FBXL2: variants seen among roughly 807,000 people sequenced by gnomAD.
FBXL2 encodes F-box/LRR-repeat protein 2.
In FBXL2, 38 loss-of-function variants were observed where a neutral mutation model predicts 69.2. The ratio of observed to expected loss-of-function variants is 0.55; its 90% CI spans 0.42 to 0.72. FBXL2 has a LOEUF of 0.72. FBXL2 is among the 30% of genes least tolerant of loss of function. FBXL2 has a pLI of 0.00. For missense variants in FBXL2, 354 were observed against 520.3 expected (o/e 0.68, Z 3.11); for synonymous variants, 192 against 201.3 (o/e 0.95, Z 0.39).
chr3:33,377,367 C>T, intron 11 of FBXL2, 34 bp downstream of exon 11: 1 of 1,598,406 alleles, frequency 6.3e-7, no homozygotes, highest in South Asian at 1.1e-5. Context: ...CAACCAAACT[C>T]TAATTCACCT....
downstream of FBXL2, chr3:33,391,113 T>C (rs1483694159): frequency 1.3e-5 from 2 of 152,242 alleles, no homozygotes; most frequent in African/African-American, 4.8e-5. Flanking sequence ...GCTAAAGATG[T>C]TTCTGAAAGA....
At position 33,286,890 on chromosome 3, in the gene FBXL2, C is replaced by T. The variant is rs533076389; in HGVS notation, c.3+9375C>T. The stretch of plus-strand genomic sequence containing the variant: ...CCGTTTGCTAAGACCATTGGAAAAG[C>T]GCAGTATTAGAGTGGGAGTGTCCCG... On this transcript the variant is annotated intron_variant, in intron 1 of 14. Coordinates refer to ENST00000484457, the MANE Select transcript of FBXL2 (RefSeq NM_012157.5). 1.2e-4 allele frequency among the ~76,000 whole-genome samples: 18 copies of T among 152,302 alleles called. No individual in the cohort carries two copies. In the South Asian group the frequency reaches 2.7e-3, roughly 23 times the overall value.
downstream of FBXL2, chr3:33,390,194 T>A: frequency 1.2e-6 from 1 of 844,954 alleles, no homozygotes; most frequent in Non-Finnish European, 1.9e-6. Flanking sequence ...TACAGCTCAT[T>A]AGAAAGGTCA....
chr3:33,353,552 A>C lies in FBXL2; in HGVS notation c.66-5415A>C, dbSNP rs1057435768. Among the ~76,000 whole-genome samples, 4 of 152,222 alleles carry C rather than the reference A, an allele frequency of 2.6e-5. 1 individual carries two copies. Among genetic ancestry groups the C allele is most frequent in the Admixed American group, 2.0e-4 (3 of 15,276 alleles). On this transcript the variant is annotated intron_variant, in intron 2 of 14. Transcript: ENST00000484457. Reference sequence around the variant, plus strand: ...GAACGGTTACGTAGTGTTTGATTCCAATCATATGGCATCTGGAAAACACAA... The same window carrying C: ...GAACGGTTACGTAGTGTTTGATTCCCATCATATGGCATCTGGAAAACACAA...
Position 33,359,164 on chromosome 3 carries a change from C to G in FBXL2, c.121-119C>G, listed in dbSNP as rs576124896. 14 of 970,134 alleles carry G rather than the reference C, an allele frequency of 1.4e-5. No homozygotes were observed. In the African/African-American group the frequency reaches 1.6e-4, roughly 11 times the overall value. The allele number at this position is 970,134 out of a possible 1,614,324, so 60.1% of individuals were successfully genotyped here. A position where few individuals can be genotyped will look rare whatever the true frequency, so the allele number is the denominator to read the frequency against. ...GTATAATTTTGCATTTGATGATTAACTTAATATACATCAAAAATAGGAGTT... is the reference window on the plus strand; with the variant it reads ...GTATAATTTTGCATTTGATGATTAAGTTAATATACATCAAAAATAGGAGTT... On this transcript the variant is annotated intron_variant, in intron 3 of 14. Coordinates refer to ENST00000484457, the MANE Select transcript of FBXL2 (RefSeq NM_012157.5).
At chr3:33,414,613 T>C in the FBXL2 span, among the ~76,000 whole-genome samples, 1,687 of 152,234 alleles carry the variant, frequency 0.011, 24 homozygotes, top group African/African-American at 0.038. Flanking sequence ...CTCTAGAAAT[T>C]TGAAGCATAT....
chr3:33,356,280 C>G (rs1365718916), intron 2 of FBXL2, among the ~76,000 whole-genome samples: 1 of 152,134 alleles, frequency 6.6e-6, no homozygotes, highest in Non-Finnish European at 1.5e-5. Context: ...TTATTTGGGG[C>G]AAGTTTGAGA....
downstream of FBXL2, among the ~76,000 whole-genome samples, chr3:33,407,350 C>A (rs2044453805): frequency 6.6e-6 from 1 of 152,116 alleles, no homozygotes; most frequent in African/African-American, 2.4e-5. Context: ...TTACCAGAAC[C>A]TACTTCTTTA....
At chr3:33,410,266 T>A in the FBXL2 span, among the ~76,000 whole-genome samples, 3 of 152,176 alleles carry the variant, frequency 2.0e-5, no homozygotes, top group South Asian at 6.2e-4. Flanking sequence ...CACACAGAGT[T>A]AACAGCAAGA....
chr3:33,396,252 C>T, intron 12 of FBXL2: 1 of 1,586,570 alleles, frequency 6.3e-7, no homozygotes, highest in Non-Finnish European at 8.6e-7. Context: ...TCCCGGCAGA[C>T]ATAGATGGTT....
chr3:33,353,474 AAT>A (rs1297352403), intron 2 of FBXL2, among the ~76,000 whole-genome samples: 1 of 152,254 alleles, frequency 6.6e-6, no homozygotes, highest in African/African-American at 2.4e-5. Flanking sequence ...TCATGCCATG[AAT>A]AGACTTGGAG....
At chr3:33,290,035 G>T (rs972644788) in intron 1 of FBXL2, among the ~76,000 whole-genome samples, 1 of 152,098 alleles carries the variant, frequency 6.6e-6, no homozygotes, top group Non-Finnish European at 1.5e-5. Context: ...GAAAGCAGAA[G>T]GTGCTACTGG....
At chr3:33,369,048 T>C (rs2042126995) in intron 5 of FBXL2, among the ~76,000 whole-genome samples, 1 of 145,264 alleles carries the variant, frequency 6.9e-6, no homozygotes, top group Non-Finnish European at 1.5e-5. Context: ...TTTTCTTTCT[T>C]CTTTTAGATT....
At chr3:33,297,746 G>T (rs777792413) in intron 2 of FBXL2, 21 bp downstream of exon 2, 1 of 1,399,290 alleles carries the variant, frequency 7.1e-7, no homozygotes, top group Non-Finnish European at 1.0e-6. Context: ...ATAAATTCTG[G>T]ATGAAGAGTT....
At chr3:33,316,275 C>T (rs1002608543) in intron 2 of FBXL2, among the ~76,000 whole-genome samples, 1 of 151,986 alleles carries the variant, frequency 6.6e-6, no homozygotes, top group South Asian at 2.1e-4. Flanking sequence ...CCAGGCTGGT[C>T]TCAAACTCTT....
chr3:33,328,502 A>G (rs1248423006), intron 2 of FBXL2, among the ~76,000 whole-genome samples: 1 of 152,212 alleles, frequency 6.6e-6, no homozygotes, highest in Admixed American at 6.5e-5. Flanking sequence ...AAACAAACAC[A>G]TAGAGCGGTG....
chr3:33,301,402 A>T (rs1018256232), intron 2 of FBXL2, among the ~76,000 whole-genome samples: 1 of 152,154 alleles, frequency 6.6e-6, no homozygotes, highest in African/African-American at 2.4e-5. Flanking sequence ...CTAGCTTCCA[A>T]TACTGATCAC....
intron 2 of FBXL2, among the ~76,000 whole-genome samples, chr3:33,334,637 A>C (rs545088835): frequency 6.6e-6 from 1 of 152,342 alleles, no homozygotes; most frequent in South Asian, 2.1e-4. Flanking sequence ...TTGAACAAAT[A>C]ATGTCCCCCA....
downstream of FBXL2, chr3:33,388,244 T>TTAGAC (rs1172512834): frequency 1.3e-5 from 2 of 152,372 alleles, no homozygotes; most frequent in Admixed American, 1.3e-4. Context: ...CTTACTACAT[T>TTAGAC]TAGACTGGCT....
Sources: gnomAD v4.1 joint callset for allele counts (sites outside exome capture counted in the v4.1 genomes callset) on GRCh38, gnomAD v4.1.1 for gene constraint, MANE v1.5 for transcripts, NCBI Gene and HGNC (gene_info 2026-07-23, HGNC 2026-07-21) for gene names.